Variants in EFL1 observed in about 807,000 individuals in gnomAD.
The protein encoded by EFL1 is elongation factor like GTPase 1.
Under a neutral mutation model 126.7 loss-of-function variants are expected in EFL1, and 76 were observed. The observed-to-expected ratio is 0.60, with a 90% CI of 0.50 to 0.73. The LOEUF is 0.73. Among genes scored for constraint, EFL1 ranks in the 30% least tolerant of loss-of-function variants. The pLI is 0.00. For missense variants in EFL1, 1,128 were observed against 1,343.2 expected (o/e 0.84, Z 2.50); for synonymous variants, 410 against 448.4 (o/e 0.91, Z 1.08).
intron 15 of EFL1, among the ~76,000 whole-genome samples, chr15:82,187,617 T>C (rs1595970167): frequency 6.6e-6 from 1 of 152,280 alleles, no homozygotes; most frequent in African/African-American, 2.4e-5. Context: ...CGAAGCTTAT[T>C]GTTTGTATTA....
chr15:82,209,316 G>GACACACACACACACACACACAC (rs57128885), intron 15 of EFL1, among the ~76,000 whole-genome samples: 176 of 146,324 alleles, frequency 1.2e-3, no homozygotes, highest in African/African-American at 4.2e-3. Context: ...CACAGACACA[G>GACACACACACACACACACACAC]ACACACACAC....
At chr15:82,229,132 C>T (rs2074794984) in intron 8 of EFL1, 22 bp from the exon 9 acceptor site, 1 of 1,583,726 alleles carries the variant, frequency 6.3e-7, no homozygotes, top group Non-Finnish European at 8.6e-7. Flanking sequence ...AACATACGGG[C>T]TTAAGTTCCT....
At chr15:82,200,936 G>A (rs1232676033) in intron 15 of EFL1, among the ~76,000 whole-genome samples, 4 of 152,122 alleles carry the variant, frequency 2.6e-5, no homozygotes, top group Non-Finnish European at 4.4e-5. Context: ...AGGCCAGGGT[G>A]CAGTGGCACG....
chr15:82,179,960 C>A (rs1211338262), intron 15 of EFL1, among the ~76,000 whole-genome samples: 1 of 152,112 alleles, frequency 6.6e-6, no homozygotes, highest in Non-Finnish European at 1.5e-5. Flanking sequence ...ACAAATATCT[C>A]CCTACAGGTA....
intron 4 of EFL1, among the ~76,000 whole-genome samples, chr15:82,252,164 A>G (rs1251944688): frequency 2.6e-5 from 4 of 152,166 alleles, no homozygotes; most frequent in Admixed American, 1.3e-4. Context: ...CCATTCTCCT[A>G]TTGACATTCA....
chr15:82,258,425 C>T (rs1465204745), intron 3 of EFL1, among the ~76,000 whole-genome samples: 1 of 152,076 alleles, frequency 6.6e-6, no homozygotes, highest in Non-Finnish European at 1.5e-5. Flanking sequence ...GTGGTGTGCA[C>T]CTGTAGTCCC....
At chr15:82,181,622 A>ATGTG (rs35063141) in intron 15 of EFL1, among the ~76,000 whole-genome samples, 19,128 of 149,356 alleles carry the variant, frequency 0.13, 1,476 homozygotes, top group Middle Eastern at 0.18. Flanking sequence ...ATGTGTGTGC[A>ATGTG]TGTGTGTGTG....
At chr15:82,239,242 T>C (rs893047070) in intron 6 of EFL1, among the ~76,000 whole-genome samples, 2 of 152,138 alleles carry the variant, frequency 1.3e-5, no homozygotes, top group African/African-American at 4.8e-5. Context: ...GTTCACACCA[T>C]TCTCCTGCTT....
intron 18 of EFL1, among the ~76,000 whole-genome samples, chr15:82,139,735 G>A (rs1408986690): frequency 2.0e-5 from 3 of 152,176 alleles, no homozygotes; most frequent in Non-Finnish European, 4.4e-5. Flanking sequence ...AATAATTTTA[G>A]TTACATAAGT....
rs1413132798 is a variant in EFL1, at chr15:82,247,219, G to A, written c.244+5472C>T. On this transcript the variant is annotated intron_variant, in intron 4 of 19. Transcript: ENST00000268206. ...GGGAGAATCAAAGATTGTAGAGAAGGAAGTATTTAAGTTTGAAAGGTCGAA... is the reference window on the plus strand; with the variant it reads ...GGGAGAATCAAAGATTGTAGAGAAGAAAGTATTTAAGTTTGAAAGGTCGAA... 2.6e-5 allele frequency among the ~76,000 whole-genome samples: 4 copies of A among 152,112 alleles called. No homozygotes were observed. In the South Asian group the frequency reaches 6.2e-4, roughly 24 times the overall value.
intron 14 of EFL1, among the ~76,000 whole-genome samples, chr15:82,217,373 G>GGAAAAAAAAAAA (rs1429392936): frequency 7.4e-5 from 2 of 27,150 alleles, no homozygotes; most frequent in Non-Finnish European, 1.4e-4. Flanking sequence ...GATTAGATTT[G>GGAAAAAAAAAAA]AAAAAAAAAA....
chr15:82,262,257 C>G (rs1269932518), intron 1 of EFL1: 1 of 156,742 alleles, frequency 6.4e-6, no homozygotes, highest in Non-Finnish European at 1.4e-5. Context: ...AGGTCAAATA[C>G]CCAGCTTTAT....
intron 4 of EFL1, among the ~76,000 whole-genome samples, chr15:82,248,808 T>G (rs912860847): frequency 2.6e-5 from 4 of 152,130 alleles, no homozygotes; most frequent in African/African-American, 4.8e-5. Context: ...TGGCAGCATT[T>G]TGATACTTGG....
At chr15:82,248,157 A>G (rs2141334546) in intron 4 of EFL1, among the ~76,000 whole-genome samples, 1 of 152,266 alleles carries the variant, frequency 6.6e-6, no homozygotes, top group Non-Finnish European at 1.5e-5. Flanking sequence ...CAGGCATATG[A>G]GACACCTAGC....
intron 15 of EFL1, among the ~76,000 whole-genome samples, chr15:82,205,411 T>C (rs1326492783): frequency 2.6e-5 from 4 of 152,232 alleles, no homozygotes; most frequent in African/African-American, 4.8e-5. Context: ...GTTTTCTACA[T>C]TGTTGAGTTG....
intron 3 of EFL1, among the ~76,000 whole-genome samples, chr15:82,256,717 ATG>A (rs1274300008): frequency 1.3e-5 from 2 of 151,568 alleles, no homozygotes; most frequent in Non-Finnish European, 2.9e-5. Context: ...ATTTTACTAC[ATG>A]TCTTTATATC....
intron 15 of EFL1, among the ~76,000 whole-genome samples, chr15:82,193,524 T>G (rs1267540616): frequency 6.6e-6 from 1 of 152,270 alleles, no homozygotes; most frequent in Non-Finnish European, 1.5e-5. Flanking sequence ...ATTATTACAT[T>G]TAAGAACAGT....
chr15:82,175,448 C>A (rs2074184795), intron 15 of EFL1, among the ~76,000 whole-genome samples: 1 of 152,162 alleles, frequency 6.6e-6, no homozygotes, highest in South Asian at 2.1e-4. Context: ...AAAATACAAC[C>A]TTCACATTTT....
At chr15:82,131,141 G>T (rs1294727044) in intron 19 of EFL1, among the ~76,000 whole-genome samples, 2 of 152,070 alleles carry the variant, frequency 1.3e-5, no homozygotes, top group Non-Finnish European at 2.9e-5. Context: ...AAGGAAGAAA[G>T]AAAACTATTA....
Sources: allele counts gnomAD v4.1 joint callset (sites outside exome capture counted in the v4.1 genomes callset), GRCh38; gene constraint gnomAD v4.1.1; transcripts MANE v1.5; gene names NCBI Gene and HGNC (gene_info 2026-07-23, HGNC 2026-07-21).